TMEM67: variants seen among roughly 807,000 people sequenced by gnomAD.
TMEM67 encodes the protein meckelin.
TMEM67 carries 124 observed loss-of-function variants against 136.6 expected under a neutral mutation model. That is an observed-to-expected ratio of 0.91 (90% CI 0.78 to 1.05). The LOEUF (loss-of-function observed/expected upper bound fraction) is 1.05. Ranked by LOEUF, TMEM67 falls within the 50% of genes least tolerant of loss-of-function variation. The pLI, the probability that TMEM67 is intolerant of heterozygous loss-of-function variation, is 0.00. For synonymous variants in TMEM67, 364 were observed against 390.5 expected (o/e 0.93, Z 0.80); for missense variants, 1,107 against 1,178.4 (o/e 0.94, Z 0.89).
At chr8:93,757,202 T>A (rs933429845) in intron 2 of TMEM67, 2 of 152,274 alleles carry the variant, frequency 1.3e-5, no homozygotes, top group South Asian at 2.1e-4. Context: ...AACCAAAATT[T>A]AAAATAATTT....
chr8:93,813,025 C>T (rs969455262), intron 26 of TMEM67, among the ~76,000 whole-genome samples: 6 of 151,652 alleles, frequency 4.0e-5, no homozygotes, highest in Admixed American at 2.0e-4. Context: ...CATGAGTCAC[C>T]GTGTCTGGCC....
chr8:93,765,238 A>G (rs1297844029), intron 4 of TMEM67, among the ~76,000 whole-genome samples, 168 bp from the exon 5 acceptor site: 1 of 152,190 alleles, frequency 6.6e-6, no homozygotes, highest in African/African-American at 2.4e-5. Flanking sequence ...GTAACACAGA[A>G]TGGCCTAAAA....
intron 26 of TMEM67, among the ~76,000 whole-genome samples, chr8:93,814,949 C>G (rs1178960950): frequency 1.3e-5 from 2 of 152,116 alleles, no homozygotes; most frequent in Non-Finnish European, 2.9e-5. Context: ...GGTTTTTTCT[C>G]TGATTTACTG....
At chr8:93,787,973 C>G (rs759515408) in intron 14 of TMEM67, 24 bp downstream of exon 14, 1 of 1,513,786 alleles carries the variant, frequency 6.6e-7, no homozygotes, top group South Asian at 1.1e-5. Flanking sequence ...TTATTAGTGC[C>G]CTTGTATGTA....
chr8:93,763,771 A>G, intron 3 of TMEM67, 71 bp from the exon 4 acceptor site: 3 of 1,039,784 alleles, frequency 2.9e-6, no homozygotes. Flanking sequence ...TTTGTTAAAT[A>G]TTTTCTGAAT....
chr8:93,828,491 A>G, the TMEM67 span, among the ~76,000 whole-genome samples: 1 of 152,188 alleles, frequency 6.6e-6, no homozygotes, highest in Non-Finnish European at 1.5e-5. Flanking sequence ...TGTAATCCCA[A>G]CACTTTGGGA....
chr8:93,778,796 T>A (rs1175498011), intron 7 of TMEM67, among the ~76,000 whole-genome samples: 1 of 152,198 alleles, frequency 6.6e-6, no homozygotes, highest in Non-Finnish European at 1.5e-5. Flanking sequence ...ATTTTTTCCT[T>A]CAGTTTAACC....
At chr8:93,760,549 A>G (rs1451814114) in intron 3 of TMEM67, among the ~76,000 whole-genome samples, 1 of 152,098 alleles carries the variant, frequency 6.6e-6, no homozygotes, top group Non-Finnish European at 1.5e-5. Flanking sequence ...AAAAATTTGT[A>G]TAGTTTTGGT....
At chr8:93,771,809 A>G (rs1813338419) in intron 6 of TMEM67, among the ~76,000 whole-genome samples, 1 of 152,032 alleles carries the variant, frequency 6.6e-6, no homozygotes, top group African/African-American at 2.4e-5. Flanking sequence ...TTCTATGCAT[A>G]TTTTTTCTTA....
chr8:93,820,046 T>C (rs917557100), downstream of TMEM67, among the ~76,000 whole-genome samples: 43 of 152,128 alleles, frequency 2.8e-4, no homozygotes, highest in Admixed American at 1.3e-4. Flanking sequence ...CTCTGTAGTT[T>C]AGAGCACACT....
intron 7 of TMEM67, among the ~76,000 whole-genome samples, chr8:93,774,843 A>T (rs951917012): frequency 2.0e-5 from 3 of 152,216 alleles, no homozygotes; most frequent in Non-Finnish European, 4.4e-5. Flanking sequence ...TCTTTATAGT[A>T]GCATGATTTA....
intron 14 of TMEM67, among the ~76,000 whole-genome samples, chr8:93,789,215 A>G (rs1018387426): frequency 6.6e-6 from 1 of 152,114 alleles, no homozygotes; most frequent in Admixed American, 6.5e-5. Context: ...CTTGACTGCT[A>G]TTGGATTCAA....
At chr8:93,775,364 CA>C (rs1344155238) in intron 7 of TMEM67, among the ~76,000 whole-genome samples, 1 of 152,104 alleles carries the variant, frequency 6.6e-6, no homozygotes, top group Non-Finnish European at 1.5e-5. Context: ...TAATTAGATC[CA>C]ATTTGTCTAT....
intron 23 of TMEM67, among the ~76,000 whole-genome samples, chr8:93,807,503 C>A (rs1181539571): frequency 6.6e-6 from 1 of 151,938 alleles, no homozygotes; most frequent in Non-Finnish European, 1.5e-5. Flanking sequence ...AAAAAGGAGT[C>A]ATTGTGATCC....
intron 6 of TMEM67, among the ~76,000 whole-genome samples, chr8:93,769,332 C>T (rs769682659): frequency 6.6e-5 from 10 of 152,216 alleles, no homozygotes; most frequent in Non-Finnish European, 8.8e-5. Flanking sequence ...CGAGGTCAGC[C>T]GGATTCCATA....
rs762691893 is a variant in TMEM67, at chr8:93,780,641, A to C, written c.763A>C (p.Met255Leu). The C allele has an allele frequency of 5.0e-6, 8 of 1,614,146 alleles. No individual in the cohort carries two copies. The highest frequency in any genetic ancestry group is 6.8e-6 in the Non-Finnish European group (8 of 1,180,032). Reference sequence around the variant, plus strand: ...TCAAGCTCTTGGAAATATGTGTGTGATGAACATGAATTCTTACGACTTTGC... The same window carrying C: ...TCAAGCTCTTGGAAATATGTGTGTGCTGAACATGAATTCTTACGACTTTGC... ...SCQALGNMCV[M>L]NMNSYDFATF... is the part of the protein sequence containing the mutation. Residue 255 changes from methionine to leucine, a missense_variant, in exon 8 of 28, where the codon ATG (methionine) becomes CTG (leucine). Coordinates refer to ENST00000453321, the MANE Select transcript of TMEM67 (RefSeq NM_153704.6).
chr8:93,808,499 T>TATAGATATTTATCTATAATAGATCTATG (rs1808538531), intron 23 of TMEM67, among the ~76,000 whole-genome samples: 1 of 143,628 alleles, frequency 7.0e-6, no homozygotes, highest in African/African-American at 2.5e-5. Context: ...ATAGATCTAT[T>TATAGATATTTATCTATAATAGATCTATG]ATAGATGAAT....
the TMEM67 span, among the ~76,000 whole-genome samples, chr8:93,826,220 C>T: frequency 6.8e-6 from 1 of 147,074 alleles, no homozygotes; most frequent in Non-Finnish European, 1.5e-5. Flanking sequence ...AGCTCCGCCT[C>T]CCAGGTTCAC....
At chr8:93,780,513 A>C in intron 7 of TMEM67, 80 bp from the exon 8 acceptor site, 1 of 1,573,498 alleles carries the variant, frequency 6.4e-7, no homozygotes, top group Non-Finnish European at 8.7e-7. Context: ...ACAGACCTGC[A>C]CAAAGTAAAA....
Sources: gnomAD v4.1 joint callset for allele counts (sites outside exome capture counted in the v4.1 genomes callset) on GRCh38, gnomAD v4.1.1 for gene constraint, MANE v1.5 for transcripts, NCBI Gene and HGNC (gene_info 2026-07-23, HGNC 2026-07-21) for gene names.